KPNA7: variants seen among roughly 807,000 people sequenced by gnomAD.
The protein encoded by KPNA7 is importin subunit alpha-8.
A neutral mutation model predicts 53.7 loss-of-function variants in KPNA7; 54 were observed. The observed-to-expected ratio is 1.01, with a 90% CI of 0.81 to 1.26. The LOEUF (loss-of-function observed/expected upper bound fraction) is 1.26, where lower values mean the gene tolerates loss of function less well. Among genes scored for constraint, KPNA7 ranks in the 50% most tolerant of loss-of-function variants. The pLI is 0.00. For missense variants in KPNA7, 640 were observed against 644.5 expected, an observed-to-expected ratio of 0.99 and a Z score of 0.07; for synonymous variants, 276 against 259.3, an observed-to-expected ratio of 1.06 and a Z score of -0.62.
chr7:99,218,720 C>T (rs902818603), intron 1 of KPNA7, among the ~76,000 whole-genome samples: 1 of 152,230 alleles, frequency 6.6e-6, no homozygotes, highest in East Asian at 1.9e-4. Flanking sequence ...CTCCAAGCTG[C>T]CCCCATGGGC....
chr7:99,203,299 C>T, intron 2 of KPNA7, 59 bp from the exon 3 acceptor site: 3 of 1,515,800 alleles, frequency 2.0e-6, no homozygotes, highest in Non-Finnish European at 2.7e-6. Context: ...CACATTTAGT[C>T]TGTCAAACAT....
intron 8 of KPNA7, among the ~76,000 whole-genome samples, chr7:99,183,072 A>T (rs1323162197): frequency 6.6e-6 from 1 of 152,130 alleles, no homozygotes; most frequent in East Asian, 1.9e-4. Context: ...CCTGGGCAAC[A>T]TGGTGAAACC....
At chr7:99,184,862 T>G (rs1789492378) in intron 8 of KPNA7, 67 bp downstream of exon 8, 1 of 1,321,126 alleles carries the variant, frequency 7.6e-7, no homozygotes, top group Non-Finnish European at 1.1e-6. Flanking sequence ...TCTGGATTCC[T>G]GAAGGAGTTC....
the KPNA7 span, among the ~76,000 whole-genome samples, chr7:99,161,238 T>A: frequency 3.7e-4 from 1 of 2,684 alleles, no homozygotes; most frequent in Admixed American, 7.2e-3. Flanking sequence ...TCTCTCTCTC[T>A]CTCTCTCTCT....
upstream of KPNA7, among the ~76,000 whole-genome samples, chr7:99,209,387 T>C (rs1790982291): frequency 6.6e-6 from 1 of 152,068 alleles, no homozygotes; most frequent in African/African-American, 2.4e-5. Flanking sequence ...TGCAGTTGCC[T>C]TCCAGCTGGT....
At chr7:99,168,168 T>C in the KPNA7 span, among the ~76,000 whole-genome samples, 5 of 152,234 alleles carry the variant, frequency 3.3e-5, no homozygotes, top group African/African-American at 1.2e-4. Context: ...TTTCCCTAAC[T>C]AGAATCTAAA....
At chr7:99,162,823 TA>T in the KPNA7 span, among the ~76,000 whole-genome samples, 2 of 152,008 alleles carry the variant, frequency 1.3e-5, no homozygotes, top group Admixed American at 6.6e-5. Context: ...AATCTACGAA[TA>T]GGGGGAAAAA....
At chr7:99,199,065 G>GGAA (rs1297557877) in intron 3 of KPNA7, among the ~76,000 whole-genome samples, 4 of 61,148 alleles carry the variant, frequency 6.5e-5, no homozygotes, top group African/African-American at 2.0e-4. Context: ...GCTGCAAACT[G>GGAA]AAAAAAAAAA....
At chr7:99,190,715 G>A (rs1029621927) in intron 6 of KPNA7, among the ~76,000 whole-genome samples, 4 of 150,988 alleles carry the variant, frequency 2.6e-5, no homozygotes, top group South Asian at 2.1e-4. Flanking sequence ...GAGTGCAGTG[G>A]TGCAATCACA....
intron 1 of KPNA7, among the ~76,000 whole-genome samples, chr7:99,216,266 T>G (rs1036534997): frequency 2.0e-5 from 3 of 152,106 alleles, no homozygotes; most frequent in African/African-American, 7.2e-5. Flanking sequence ...TGGGCTCAAG[T>G]GATCCTCCCA....
rs771798458 is a variant in KPNA7 at position 99,173,678 on chromosome 7, G to C, written c.*30C>G. On this transcript the variant is annotated 3_prime_UTR_variant, in exon 11 of 11. Transcript: ENST00000327442. ...TTAAAGAAGTTATCCTTTAGCACTG[G>C]GTTGTTGGTTTAGGAGGTAGGGAGC... is the stretch of plus-strand genomic sequence containing the variant. The C allele has an allele frequency of 7.2e-7, 1 of 1,392,254 alleles. No individual in the cohort carries two copies. Among genetic ancestry groups the C allele is most frequent in the South Asian group, 1.2e-5 (1 of 80,078 alleles). The allele number at this position is 1,392,254 out of a possible 1,614,324, so 86.2% of individuals were successfully genotyped here. A position where few individuals can be genotyped will look rare whatever the true frequency, so the allele number is the denominator to read the frequency against.
chr7:99,163,229 C>A, the KPNA7 span, among the ~76,000 whole-genome samples: 1 of 150,456 alleles, frequency 6.6e-6, no homozygotes. Context: ...GAAATGCAAA[C>A]AAAAATTATT....
the KPNA7 span, among the ~76,000 whole-genome samples, chr7:99,167,579 A>G: frequency 3.6e-5 from 5 of 140,528 alleles, no homozygotes; most frequent in African/African-American, 8.1e-5. Context: ...CAGCCTAAGT[A>G]GCTGGGACTA....
At chr7:99,188,682 TTTTA>T (rs1789770942) in intron 6 of KPNA7, 119 bp from the exon 7 acceptor site, 26 of 1,089,800 alleles carry the variant, frequency 2.4e-5, no homozygotes, top group Non-Finnish European at 3.1e-5. Context: ...CTTTTTAAAA[TTTTA>T]TTTATTATTT....
At chr7:99,204,074 T>C (rs1349707290) in intron 2 of KPNA7, among the ~76,000 whole-genome samples, 8 of 152,032 alleles carry the variant, frequency 5.3e-5, no homozygotes, top group Non-Finnish European at 1.2e-4. Context: ...GTCTACATAC[T>C]GAGGGAAATC....
chr7:99,205,446 T>TGG, intron 2 of KPNA7, among the ~76,000 whole-genome samples: 1 of 149,566 alleles, frequency 6.7e-6, no homozygotes, highest in Non-Finnish European at 1.5e-5. Context: ...GTGATTTTGT[T>TGG]CCTGATGGTG....
intron 6 of KPNA7, among the ~76,000 whole-genome samples, chr7:99,190,917 G>A (rs1789915674): frequency 6.6e-6 from 1 of 152,040 alleles, no homozygotes; most frequent in Non-Finnish European, 1.5e-5. Flanking sequence ...ATGTCACCTA[G>A]CAAGGTACAT....
chr7:99,163,727 A>G, the KPNA7 span, among the ~76,000 whole-genome samples: 4 of 152,002 alleles, frequency 2.6e-5, no homozygotes, highest in African/African-American at 9.7e-5. Flanking sequence ...CCTATTTAAC[A>G]TTATTTAATG....
intron 6 of KPNA7, among the ~76,000 whole-genome samples, chr7:99,190,989 C>A (rs7808942): frequency 0.085 from 12,894 of 151,980 alleles, 570 homozygotes; most frequent in South Asian, 0.15. Context: ...GCCTGCAACA[C>A]AAGCTCCAAT....
Sources: gnomAD v4.1 joint callset for allele counts (sites outside exome capture counted in the v4.1 genomes callset) on GRCh38, gnomAD v4.1.1 for gene constraint, MANE v1.5 for transcripts, NCBI Gene and HGNC (gene_info 2026-07-23, HGNC 2026-07-21) for gene names.